ATXN1: variants seen among roughly 807,000 people sequenced by gnomAD.
The protein encoded by ATXN1 is ataxin 1.
Under a neutral mutation model 56.4 loss-of-function variants are expected in ATXN1, and 8 were observed. The ratio of observed to expected loss-of-function variants is 0.14; its 90% CI spans 0.08 to 0.26. The LOEUF is 0.26. ATXN1 is among the 10% of genes least tolerant of loss of function. ATXN1 has a pLI of 1.00. For missense variants in ATXN1, 987 were observed against 1,106.5 expected, an observed-to-expected ratio of 0.89 and a Z score of 1.53; for synonymous variants, 514 against 494.6, an observed-to-expected ratio of 1.04 and a Z score of -0.52.
At chr6:16,576,518 T>C (rs1198266116) in intron 4 of ATXN1, among the ~76,000 whole-genome samples, 1 of 152,246 alleles carries the variant, frequency 6.6e-6, no homozygotes, top group Non-Finnish European at 1.5e-5. Context: ...CCTGTTAATA[T>C]GTAACTCCTA....
rs901974477 is a variant in ATXN1, at chr6:16,302,666, T to C, written c.*3663A>G. On this transcript the variant is annotated 3_prime_UTR_variant, in exon 8 of 8. Transcript: ENST00000436367. ...TTCTTGTTTGTTGGTTTCTTATTAA[T>C]AGTATTATTTTTTTCTTTTCGCCCT... The C allele has an allele frequency of 6.6e-6, 1 of 152,644 alleles. No homozygotes were observed. Among genetic ancestry groups the C allele is most frequent in the Non-Finnish European group, 1.5e-5 (1 of 68,032 alleles). 9.5% of individuals were successfully genotyped at this position (152,644 alleles called of 1,614,324 possible).
At chr6:16,664,693 C>T (rs1285646843) in intron 2 of ATXN1, among the ~76,000 whole-genome samples, 2 of 152,026 alleles carry the variant, frequency 1.3e-5, no homozygotes, top group African/African-American at 4.8e-5. Flanking sequence ...ACTGACCAGA[C>T]TAGGCCAGTG....
chr6:16,354,048 GAA>G (rs886723304), intron 6 of ATXN1, among the ~76,000 whole-genome samples: 1 of 152,156 alleles, frequency 6.6e-6, no homozygotes, highest in Non-Finnish European at 1.5e-5. Context: ...GAAAGATTTT[GAA>G]AAGTCTTGCC....
chr6:16,546,440 GCCCCA>G (rs1761816373), intron 4 of ATXN1, among the ~76,000 whole-genome samples: 1 of 152,198 alleles, frequency 6.6e-6, no homozygotes, highest in African/African-American at 2.4e-5. Flanking sequence ...TCTCCTTCAA[GCCCCA>G]CCCCCAACTC....
At chr6:16,740,534 T>C (rs918066796) in intron 2 of ATXN1, among the ~76,000 whole-genome samples, 1 of 152,142 alleles carries the variant, frequency 6.6e-6, no homozygotes, top group African/African-American at 2.4e-5. Context: ...TCAATTTGAT[T>C]TCCTGATGTT....
intron 6 of ATXN1, among the ~76,000 whole-genome samples, chr6:16,447,063 G>A (rs1049376650): frequency 2.0e-5 from 3 of 152,132 alleles, no homozygotes; most frequent in Non-Finnish European, 4.4e-5. Flanking sequence ...TTAACACACA[G>A]AACATAATTC....
intron 6 of ATXN1, among the ~76,000 whole-genome samples, chr6:16,437,388 A>G (rs1380989974): frequency 6.6e-6 from 1 of 152,154 alleles, no homozygotes; most frequent in East Asian, 1.9e-4. Context: ...AAAGCTACAC[A>G]TGTCTACATG....
intron 4 of ATXN1, among the ~76,000 whole-genome samples, chr6:16,561,181 C>G (rs1277332940): frequency 6.6e-6 from 1 of 152,014 alleles, no homozygotes; most frequent in African/African-American, 2.4e-5. Flanking sequence ...ATATCTGATA[C>G]AAGAGATTGG....
intron 3 of ATXN1, among the ~76,000 whole-genome samples, chr6:16,604,576 TTTGTTTCTCTTC>T (rs2113783734): frequency 6.6e-6 from 1 of 151,132 alleles, no homozygotes; most frequent in East Asian, 2.0e-4. Context: ...ACAACTGGAT[TTTGTTTCTCTTC>T]TTTTTTTTTT....
At chr6:16,583,331 T>G (rs1762560364) in intron 4 of ATXN1, among the ~76,000 whole-genome samples, 1 of 152,332 alleles carries the variant, frequency 6.6e-6, no homozygotes, top group South Asian at 2.1e-4. Context: ...GTCTCCTTCA[T>G]GCCAAATGAT....
intron 4 of ATXN1, among the ~76,000 whole-genome samples, chr6:16,553,778 C>G (rs1761963451): frequency 6.6e-6 from 1 of 152,186 alleles, no homozygotes; most frequent in Non-Finnish European, 1.5e-5. Context: ...ACCATCCCTA[C>G]TAGGAATGTG....
intron 4 of ATXN1, among the ~76,000 whole-genome samples, chr6:16,578,261 G>A (rs1762460594): frequency 6.6e-6 from 1 of 152,162 alleles, no homozygotes; most frequent in Admixed American, 6.5e-5. Flanking sequence ...CCTTTTGAGA[G>A]ATATGATGTT....
chr6:16,372,068 A>T (rs1762051455), intron 6 of ATXN1, among the ~76,000 whole-genome samples: 1 of 152,260 alleles, frequency 6.6e-6, no homozygotes, highest in Admixed American at 6.5e-5. Flanking sequence ...ACACATTTTT[A>T]AAATTGCTTT....
chr6:16,341,738 C>T (rs1261976166), intron 6 of ATXN1, among the ~76,000 whole-genome samples: 1 of 151,806 alleles, frequency 6.6e-6, no homozygotes, highest in Non-Finnish European at 1.5e-5. Context: ...CCAGGATGGT[C>T]TTGATCTCCT....
chr6:16,655,961 G>T (rs1013060699), intron 3 of ATXN1, among the ~76,000 whole-genome samples: 1 of 151,678 alleles, frequency 6.6e-6, no homozygotes, highest in Admixed American at 6.6e-5. Context: ...ATGGTGGCAC[G>T]CATCTGTAGT....
intron 6 of ATXN1, among the ~76,000 whole-genome samples, chr6:16,482,885 G>A (rs1760468119): frequency 6.6e-6 from 1 of 152,150 alleles, no homozygotes; most frequent in Admixed American, 6.5e-5. Context: ...AGGAACCCAA[G>A]AAGGTAAAAT....
At chr6:16,665,209 C>T (rs1758400906) in intron 2 of ATXN1, among the ~76,000 whole-genome samples, 1 of 152,166 alleles carries the variant, frequency 6.6e-6, no homozygotes, top group Non-Finnish European at 1.5e-5. Flanking sequence ...TAAAGGGGAG[C>T]AGCACCATGG....
intron 6 of ATXN1, among the ~76,000 whole-genome samples, chr6:16,423,068 G>T (rs546899999): frequency 6.6e-6 from 1 of 152,318 alleles, no homozygotes; most frequent in South Asian, 2.1e-4. Flanking sequence ...ACCAGGGGTA[G>T]GGGGAGTCTT....
chr6:16,515,645 G>A (rs758790708), intron 5 of ATXN1, among the ~76,000 whole-genome samples: 11 of 152,120 alleles, frequency 7.2e-5, no homozygotes, highest in Admixed American at 1.3e-4. Flanking sequence ...TCCATTCTCC[G>A]TGTTGAGTCC....
Sources: allele counts gnomAD v4.1 joint callset (sites outside exome capture counted in the v4.1 genomes callset), GRCh38; gene constraint gnomAD v4.1.1; transcripts MANE v1.5; gene names NCBI Gene and HGNC (gene_info 2026-07-23, HGNC 2026-07-21).